BTBD6: variants seen among roughly 807,000 people sequenced by gnomAD.
The protein encoded by BTBD6 is BTB domain containing 6.
A neutral mutation model predicts 40.6 loss-of-function variants in BTBD6; 30 were observed. The ratio of observed to expected loss-of-function variants is 0.74; its 90% CI spans 0.55 to 1.00. BTBD6 has a LOEUF of 1.00. BTBD6 is among the 50% of genes least tolerant of loss of function. The pLI is 0.00. For missense variants in BTBD6, 698 were observed against 694.6 expected (o/e 1.00, Z -0.06); for synonymous variants, 378 against 308.7 (o/e 1.22, Z -2.35).
At position 105,250,237 on chromosome 14, in the gene BTBD6, CCA is replaced by C; in HGVS notation, c.1183_1184del (p.Gln395ValfsTer42). ...GLAPQRCHRFQSSAYRSNQWR... is the reference protein window; with the variant it reads ...GLAPQRCHRFXSSAYRSNQWR... ...TCGCCCCGCAGAGGTGCCACCGATT[CCA>C]GTCTTCTGCCTACCGCAGCAACCAG... On this transcript the variant is annotated frameshift_variant, in exon 4 of 4. Transcript: ENST00000392554. LOFTEE classifies it high-confidence loss of function. The C allele has an allele frequency of 6.2e-7, 1 of 1,613,018 alleles. No homozygotes were observed. Among genetic ancestry groups the C allele is most frequent in the Non-Finnish European group, 8.5e-7 (1 of 1,180,026 alleles).
Position 105,250,329 on chromosome 14 carries a change from G to C in BTBD6, c.1274G>C (p.Gly425Ala). 6.2e-7 allele frequency: 1 copy of C among 1,613,490 alleles called. No individual in the cohort carries two copies. The highest frequency in any genetic ancestry group is 8.5e-7 in the Non-Finnish European group (1 of 1,180,042). Residue 425 changes from glycine (G) to alanine (A), a missense_variant, in exon 4 of 4, where the codon GGG (glycine) becomes GCG (alanine). Physicochemically the swap from Gly to Ala is moderately conservative, Grantham distance 60 (BLOSUM62 0). Coordinates refer to ENST00000392554, the MANE Select transcript of BTBD6 (RefSeq NM_001387567.1). ...GTGGACAGAAGGGTATTTATTGCAG[G>C]GCTGGGCCTGTATGGCTCCAGCTCT... Reference protein sequence around the residue: ...FAVDRRVFIAGLGLYGSSSGK... With the variant: ...FAVDRRVFIAALGLYGSSSGK...
At position 105,249,145 on chromosome 14, in the gene BTBD6, C is replaced by T; in HGVS notation, c.375-12C>T. 1.3e-6 allele frequency: 2 copies of T among 1,563,856 alleles called. No individual in the cohort carries two copies. The highest frequency in any genetic ancestry group is 2.3e-5 in the East Asian group (1 of 43,304). On this transcript the variant is annotated splice_polypyrimidine_tract_variant and intron_variant, in intron 1 of 3. Transcript: ENST00000392554. ...GCGCCCACGCCCCCAGCCCGTGCCT[C>T]TACCTTTGCAGGAACGCGCTCATGT...
Position 105,251,042 on chromosome 14 carries a change from A to G in BTBD6, c.*370A>G. 4.1e-6 allele frequency: 1 copy of G among 242,104 alleles called. No homozygotes were observed. The highest frequency in any genetic ancestry group is 8.7e-6 in the Non-Finnish European group (1 of 114,434). 15.0% of individuals were successfully genotyped at this position (242,104 alleles called of 1,614,324 possible). On this transcript the variant is annotated 3_prime_UTR_variant, in exon 4 of 4. Transcript: ENST00000392554. ...CTTCCCTTCAAATCTAAAATTGGCA[A>G]AAAGTCACTTAAAATAGTGGACTTC...
Position 105,249,913 on chromosome 14 carries a change from G to A in BTBD6, c.858G>A (p.Glu286=), listed in dbSNP as rs1196234442. 4.3e-6 allele frequency: 7 copies of A among 1,611,416 alleles called. No homozygotes were observed. Among genetic ancestry groups the A allele is most frequent in the Non-Finnish European group, 4.2e-6 (5 of 1,180,008 alleles). ...GFCEIDRQTL[E]IIVTREALNT... ...GTGAGATAGACCGGCAGACGCTGGAGATCATTGTCACTCGGGAGGCCCTCA... is the reference window on the plus strand; with the variant it reads ...GTGAGATAGACCGGCAGACGCTGGAAATCATTGTCACTCGGGAGGCCCTCA... Residue 286 remains glutamate (E), a synonymous_variant, in exon 4 of 4, where the codon GAG becomes GAA. Coordinates refer to ENST00000392554, the MANE Select transcript of BTBD6 (RefSeq NM_001387567.1).
In BTBD6 at chr14:105,249,190, C is replaced by T. The variant is rs1320975197; in HGVS notation, c.408C>T (p.Ala136=). The T allele has an allele frequency of 1.9e-6, 3 of 1,588,772 alleles. No individual in the cohort carries two copies. The highest frequency in any genetic ancestry group is 1.1e-5 in the South Asian group (1 of 89,370). The change falls in exon 2 of 4, where the codon GCC becomes GCT. Residue 136 remains alanine (A), a synonymous_variant. Transcript: ENST00000392554. ...NALMFNNELM[A]DVHFVVGPPG... ...TCATGTTCAACAACGAGCTCATGGC[C>T]GACGTGCACTTCGTCGTGGGGCCCC...
At position 105,248,588 on chromosome 14, in the gene BTBD6, G is replaced by C. The variant is rs1483167286; in HGVS notation, c.-124G>C. The C allele has an allele frequency of 1.5e-5, 9 of 601,630 alleles. No homozygotes were observed. The highest frequency in any genetic ancestry group is 2.1e-5 in the African/African-American group (1 of 46,754). 37.3% of individuals were successfully genotyped at this position (601,630 alleles called of 1,614,324 possible). ...ACGGGCTCGGGCGGGCGGGCGGGCG[G>C]GACGGCGCCCCCCGCGGCCGGGCCT... On this transcript the variant is annotated 5_prime_UTR_variant, in exon 1 of 4. Transcript: ENST00000392554.
Position 105,248,573 on chromosome 14 carries a change from G to GCGGGTACGGGCT in BTBD6, c.-135_-134insTACGGGCTCGGG, listed in dbSNP as rs1555384277. ...GGCGCCGCGGCGGGTACGGGCTCGGGCGGGCGGGCGGGCGGGACGGCGCCC... is the reference window on the plus strand; with the variant it reads ...GGCGCCGCGGCGGGTACGGGCTCGGGCGGGTACGGGCTCGGGCGGGCGGGCGGGACGGCGCCC... On this transcript the variant is annotated 5_prime_UTR_variant, in exon 1 of 4. Coordinates refer to ENST00000392554, the MANE Select transcript of BTBD6 (RefSeq NM_001387567.1). The GCGGGTACGGGCT allele has an allele frequency of 1.7e-3, 457 of 272,586 alleles. No individual in the cohort carries two copies. Among genetic ancestry groups the GCGGGTACGGGCT allele is most frequent in the East Asian group, 8.4e-3 (3 of 358 alleles). The allele number at this position is 272,586 out of a possible 1,614,324, so 16.9% of individuals were successfully genotyped here. A position where few individuals can be genotyped will look rare whatever the true frequency, so the allele number is the denominator to read the frequency against.
chr14:105,249,736 C>T lies in BTBD6; in HGVS notation c.681C>T (p.Ala227=). Residue 227 remains alanine (A), a synonymous_variant, in exon 4 of 4, where the codon GCC becomes GCT. Transcript: ENST00000392554. ...ACATCGTCCCAGCATTGGCAAAAGC[C>T]TGTGTCAACTTTCTGGAGACAAGTT... The part of the protein sequence containing the change: ...KKYIVPALAK[A]CVNFLETSLE... 1.2e-6 allele frequency: 2 copies of T among 1,613,944 alleles called. No individual in the cohort carries two copies. Among genetic ancestry groups the T allele is most frequent in the Non-Finnish European group, 1.7e-6 (2 of 1,180,044 alleles).
rs1201877551 is a variant in BTBD6, at chr14:105,249,383, C to A, written c.489C>A (p.Ser163=). 3.7e-6 allele frequency: 6 copies of A among 1,612,264 alleles called. No homozygotes were observed. Among genetic ancestry groups the A allele is most frequent in the Non-Finnish European group, 5.1e-6 (6 of 1,179,782 alleles). Residue 163 remains serine (S), a synonymous_variant, in exon 3 of 4, where the codon TCC becomes TCA. Transcript: ENST00000392554. The part of the protein sequence containing the change: ...AHKYVLAVGS[S]VFYAMFYGDL... The stretch of plus-strand genomic sequence containing the variant: ...AGTACGTCTTGGCTGTCGGCAGCTC[C>A]GTCTTCTATGCCATGTTCTACGGAG...
chr14:105,250,775 C>T lies in BTBD6; in HGVS notation c.*103C>T, dbSNP rs997471783. On this transcript the variant is annotated 3_prime_UTR_variant, in exon 4 of 4. Coordinates refer to ENST00000392554, the MANE Select transcript of BTBD6 (RefSeq NM_001387567.1). ...AAAGGCTGCTCTTAACTTTGTCTCTCTTTGACATGTAGTCAGCTGAAGCTT... is the reference window on the plus strand; with the variant it reads ...AAAGGCTGCTCTTAACTTTGTCTCTTTTTGACATGTAGTCAGCTGAAGCTT... 4.9e-6 allele frequency: 6 copies of T among 1,221,720 alleles called. No individual in the cohort carries two copies. In the African/African-American group the frequency reaches 9.1e-5, roughly 19 times the overall value. 75.7% of individuals were successfully genotyped at this position (1,221,720 alleles called of 1,614,324 possible).
Position 105,249,770 on chromosome 14 carries a change from A to C in BTBD6, c.715A>C (p.Lys239Gln). The C allele has an allele frequency of 6.2e-7, 1 of 1,613,856 alleles. No homozygotes were observed. Among genetic ancestry groups the C allele is most frequent in the Non-Finnish European group, 8.5e-7 (1 of 1,180,038 alleles). ...CTTTCTGGAGACAAGTTTGGAAGCC[A>C]AGAACGCCTGCGTCCTGCTGTCCCA... ...VNFLETSLEA[K>Q]NACVLLSQSR... Residue 239 changes from lysine (K) to glutamine (Q), a missense_variant, in exon 4 of 4, where the codon AAG becomes CAG. Transcript: ENST00000392554.
chr14:105,249,321 C>T lies in BTBD6; in HGVS notation c.466-39C>T, dbSNP rs587661224. ...CGCCGTGTGGCTGACACGCAGCCTG[C>T]GGGAGAGCCAGGCTCACGGCGGCGC... On this transcript the variant is annotated intron_variant, in intron 2 of 3. Transcript: ENST00000392554. 58 of 1,595,240 alleles carry T rather than the reference C, an allele frequency of 3.6e-5. No individual in the cohort carries two copies. In the Admixed American group the frequency reaches 7.8e-4, roughly 21 times the overall value.
In BTBD6 at chr14:105,250,458, C is replaced by T. The variant is rs756284482; in HGVS notation, c.1403C>T (p.Pro468Leu). 29 of 1,613,878 alleles carry T rather than the reference C, an allele frequency of 1.8e-5. No homozygotes were observed. Among genetic ancestry groups the T allele is most frequent in the South Asian group, 9.9e-5 (9 of 91,086 alleles). Residue 468 changes from proline (P) to leucine (L), a missense_variant, in exon 4 of 4, where the codon CCG (proline) becomes CTG (leucine). Pro to Leu is a moderately conservative substitution (Grantham distance 98). Transcript: ENST00000392554. ...FMSDGSSNTF[P>L]VWFEHPVQVE... is the part of the protein sequence containing the mutation. ...TCAGACGGATCCAGTAACACCTTCC[C>T]GGTCTGGTTTGAACACCCGGTCCAG...
Position 105,250,815 on chromosome 14 carries a change from A to G in BTBD6, c.*143A>G, listed in dbSNP as rs1566837183. ...AGCTGAAGCTTGACTGTGTAGAGAC[A>G]TTTTCCACACAGCCAGAACCCAGGG... On this transcript the variant is annotated 3_prime_UTR_variant, in exon 4 of 4. Coordinates refer to ENST00000392554, the MANE Select transcript of BTBD6 (RefSeq NM_001387567.1). 1.1e-6 allele frequency: 1 copy of G among 886,396 alleles called. No individual in the cohort carries two copies. Among genetic ancestry groups the G allele is most frequent in the South Asian group, 1.8e-5 (1 of 55,946 alleles). 54.9% of individuals were successfully genotyped at this position (886,396 alleles called of 1,614,324 possible). A position where few individuals can be genotyped will look rare whatever the true frequency, so the allele number is the denominator to read the frequency against.
At chr14:105,249,281 C>T (rs1402734484) in intron 2 of BTBD6, 34 bp downstream of exon 2, 4 of 1,555,412 alleles carry the variant, frequency 2.6e-6, no homozygotes, top group African/African-American at 2.7e-5. Flanking sequence ...GAACGCGTGC[C>T]CCGTCCGCCC....
In BTBD6 at chr14:105,250,189, T is replaced by C. The variant is rs1218602813; in HGVS notation, c.1134T>C (p.Phe378=). Residue 378 remains phenylalanine (F), a synonymous_variant, in exon 4 of 4, where the codon TTT becomes TTC. Transcript: ENST00000392554. ...YTATNKPRLD[F]PLTKRKGLAP... ...CCACCAACAAGCCCCGCCTGGACTTTCCCCTGACCAAGAGGAAGGGCCTCG... is the reference window on the plus strand; with the variant it reads ...CCACCAACAAGCCCCGCCTGGACTTCCCCCTGACCAAGAGGAAGGGCCTCG... 5 of 1,612,822 alleles carry C rather than the reference T, an allele frequency of 3.1e-6. No homozygotes were observed. In the African/African-American group the frequency reaches 4.0e-5, roughly 13 times the overall value.
Position 105,248,958 on chromosome 14 carries a change from G to T in BTBD6, c.247G>T (p.Gly83Trp). Residue 83 changes from glycine (G) to tryptophan (W), a missense_variant, in exon 1 of 4, where the codon GGG becomes TGG. Transcript: ENST00000392554. The part of the protein sequence containing the change: ...NAGAAVGRKA[G>W]PRSPPSAPAP... ...CGGCGCCGCCGTGGGCAGGAAGGCC[G>T]GGCCGCGCAGCCCGCCCAGCGCCCC... The T allele has an allele frequency of 6.1e-6, 6 of 980,638 alleles. No homozygotes were observed. The highest frequency in any genetic ancestry group is 7.2e-6 in the Non-Finnish European group (6 of 827,824). The allele number at this position is 980,638 out of a possible 1,614,324, so 60.7% of individuals were successfully genotyped here.
Position 105,250,476 on chromosome 14 carries a change from C to G in BTBD6, c.1421C>G (p.Pro474Arg), listed in dbSNP as rs1478738643. Residue 474 changes from proline to arginine, a missense_variant, in exon 4 of 4, where the codon CCG becomes CGG. Physicochemically the swap from Pro to Arg is moderately radical, Grantham distance 103 (BLOSUM62 -2). Transcript: ENST00000392554. Reference sequence around the variant, plus strand: ...ACCTTCCCGGTCTGGTTTGAACACCCGGTCCAGGTTGAACAAGACACCTTC... The same window carrying G: ...ACCTTCCCGGTCTGGTTTGAACACCGGGTCCAGGTTGAACAAGACACCTTC... Reference protein sequence around the residue: ...SNTFPVWFEHPVQVEQDTFYT... With the variant: ...SNTFPVWFEHRVQVEQDTFYT... The G allele has an allele frequency of 6.2e-7, 1 of 1,613,990 alleles. No homozygotes were observed. The highest frequency in any genetic ancestry group is 8.5e-7 in the Non-Finnish European group (1 of 1,180,024).
At position 105,249,622 on chromosome 14, in the gene BTBD6, G is replaced by A. The variant is rs756296515; in HGVS notation, c.585-18G>A. On this transcript the variant is annotated intron_variant, in intron 3 of 3. Transcript: ENST00000392554. ...GTGCTTGGGAGCCAGCCCCTGACGCGGGCCCTGCCTCGCCTAGGTACATGT... is the reference window on the plus strand; with the variant it reads ...GTGCTTGGGAGCCAGCCCCTGACGCAGGCCCTGCCTCGCCTAGGTACATGT... 1.3e-6 allele frequency: 2 copies of A among 1,596,416 alleles called. No individual in the cohort carries two copies. Among genetic ancestry groups the A allele is most frequent in the Middle Eastern group, 1.7e-4 (1 of 5,976 alleles).
Sources: allele counts gnomAD v4.1 joint callset, GRCh38; gene constraint gnomAD v4.1.1; transcripts MANE v1.5; gene names NCBI Gene and HGNC (gene_info 2026-07-23, HGNC 2026-07-21).